The following MGA variants were observed in gnomAD, a reference collection of about 807,000 sequenced individuals.
The protein encoded by MGA is MAX dimerization protein MGA.
Under a neutral mutation model 261.1 loss-of-function variants are expected in MGA, and 40 were observed. That is an observed-to-expected ratio of 0.15 (90% confidence interval 0.12 to 0.20). MGA has a LOEUF of 0.20. Ranked by LOEUF, MGA falls within the 10% of genes least tolerant of loss-of-function variation. The pLI is 1.00. For synonymous variants in MGA, 1,302 were observed against 1,290.6 expected (o/e 1.01, Z -0.19); for missense variants, 3,397 against 3,630.5 (o/e 0.94, Z 1.65).
At chr15:41,638,688 C>CTTTTTTTTTTTT (rs761492514) in intron 1 of MGA, among the ~76,000 whole-genome samples, 7 of 115,630 alleles carry the variant, frequency 6.1e-5, no homozygotes, top group South Asian at 2.9e-4. Context: ...TTTTCTTTTT[C>CTTTTTTTTTTTT]TTTTTTTTTT....
chr15:41,631,126 G>A (rs919106647), intron 1 of MGA, among the ~76,000 whole-genome samples: 1 of 152,112 alleles, frequency 6.6e-6, no homozygotes, highest in Non-Finnish European at 1.5e-5. Flanking sequence ...CAATATATCC[G>A]TAAGTGCAAA....
In MGA at chr15:41,736,546, G is replaced by C. The variant is rs1397189844; in HGVS notation, c.4282G>C (p.Asp1428His). Residue 1428 changes from aspartate to histidine, a missense_variant, in exon 13 of 24, where the codon GAT becomes CAT. Asp to His is a moderately conservative substitution (Grantham distance 81). This residue lies in a region of MGA where 1,410 missense variants were observed against 1,386.4 expected (regional missense o/e 1.02). Transcript: ENST00000219905. ...TCCATTGTCCCCTGGGAAAATGGAGGATATCTCTCCTGTGCAGACAGATGC... is the reference window on the plus strand; with the variant it reads ...TCCATTGTCCCCTGGGAAAATGGAGCATATCTCTCCTGTGCAGACAGATGC... The C allele has an allele frequency of 3.7e-6, 6 of 1,613,932 alleles. No individual in the cohort carries two copies. Among genetic ancestry groups the C allele is most frequent in the Non-Finnish European group, 5.1e-6 (6 of 1,179,908 alleles).
rs1374952153 is a variant in MGA at position 41,696,647 on chromosome 15, T to C, written c.1637T>C (p.Leu546Pro). ...AGAGTGGTACAAAAATATCCCTTAC[T>C]GAAAGAGCCTCAGTGGAAATATCCT... The change falls in exon 3 of 24, where the codon CTG becomes CCG. Residue 546 changes from leucine (L) to proline (P), a missense_variant. Coordinates refer to ENST00000219905, the MANE Select transcript of MGA (RefSeq NM_001164273.2). 3 of 1,613,118 alleles carry C rather than the reference T, an allele frequency of 1.9e-6. No homozygotes were observed. The African/African-American group carries it at 4.0e-5, about 22-fold the overall frequency.
chr15:41,670,863 T>A (rs1250052804), intron 2 of MGA, among the ~76,000 whole-genome samples: 1 of 152,228 alleles, frequency 6.6e-6, no homozygotes, highest in Non-Finnish European at 1.5e-5. Flanking sequence ...GTTGGGCAAT[T>A]TATGGATTAG....
chr15:41,755,158 C>G (rs1156538433), intron 18 of MGA, among the ~76,000 whole-genome samples: 1 of 152,000 alleles, frequency 6.6e-6, no homozygotes, highest in African/African-American at 2.4e-5. Context: ...TTTTAGTAAG[C>G]CTTATATTGA....
intron 22 of MGA, among the ~76,000 whole-genome samples, chr15:41,763,260 C>T (rs992559614): frequency 5.9e-5 from 9 of 151,328 alleles, no homozygotes; most frequent in East Asian, 5.9e-4. Context: ...CCACTACACC[C>T]GGCTAATTTT....
rs529541933 is a variant in MGA at position 41,673,675 on chromosome 15, T to C, written c.1064+3717T>C. Among the ~76,000 whole-genome samples the C allele has an allele frequency of 2.6e-3, 391 of 151,150 alleles. 3 individuals carry two copies. The highest frequency in any genetic ancestry group is 4.6e-3 in the Non-Finnish European group (309 of 67,856). Reference sequence around the variant, plus strand: ...CTCCTGCCTCAGCCTCTGGAGTAGCTGGGATTACAGGCATGTGCCACCATG... The same window carrying C: ...CTCCTGCCTCAGCCTCTGGAGTAGCCGGGATTACAGGCATGTGCCACCATG... On this transcript the variant is annotated intron_variant, in intron 2 of 23. Coordinates refer to ENST00000219905, the MANE Select transcript of MGA (RefSeq NM_001164273.2).
chr15:41,705,267 A>G (rs191445721), intron 5 of MGA, among the ~76,000 whole-genome samples: 229 of 151,794 alleles, frequency 1.5e-3, no homozygotes, highest in African/African-American at 5.3e-3. Flanking sequence ...GTCCGGCCTC[A>G]GATTTCTTTT....
intron 9 of MGA, among the ~76,000 whole-genome samples, chr15:41,722,223 G>A (rs2060984267): frequency 6.8e-6 from 1 of 147,876 alleles, no homozygotes; most frequent in Non-Finnish European, 1.5e-5. Flanking sequence ...TCCGCCTCCC[G>A]GGTTCACACC....
At chr15:41,700,476 A>G (rs2059790965) in intron 5 of MGA, among the ~76,000 whole-genome samples, 1 of 152,112 alleles carries the variant, frequency 6.6e-6, no homozygotes, top group Non-Finnish European at 1.5e-5. Flanking sequence ...TCTCCCACTT[A>G]CGAGTGAAAA....
At chr15:41,692,624 T>G (rs1466890608) in intron 2 of MGA, among the ~76,000 whole-genome samples, 1 of 152,154 alleles carries the variant, frequency 6.6e-6, no homozygotes, top group Non-Finnish European at 1.5e-5. Context: ...GAAAAATAAT[T>G]TAGTGTTTTC....
chr15:41,649,354 C>A (rs904941024), intron 1 of MGA, among the ~76,000 whole-genome samples: 2 of 146,496 alleles, frequency 1.4e-5, no homozygotes, highest in African/African-American at 5.1e-5. Context: ...TGCACTCCAG[C>A]CTGGACAACA....
chr15:41,763,093 T>A (rs1453011850), intron 22 of MGA, among the ~76,000 whole-genome samples: 2 of 26,470 alleles, frequency 7.6e-5, no homozygotes, highest in Admixed American at 5.6e-4. Flanking sequence ...TCTTTCTTCC[T>A]TTTTTTTTTT....
chr15:41,743,677 T>TG (rs547050849), intron 15 of MGA, among the ~76,000 whole-genome samples: 25 of 152,150 alleles, frequency 1.6e-4, no homozygotes, highest in African/African-American at 5.1e-4. Context: ...TTGTGGGGTG[T>TG]GGGGGGTGCT....
chr15:41,755,512 T>G (rs2063099314), intron 18 of MGA, among the ~76,000 whole-genome samples: 1 of 152,104 alleles, frequency 6.6e-6, no homozygotes, highest in Admixed American at 6.5e-5. Context: ...AAACAAAAAC[T>G]CTAAAAAATA....
chr15:41,757,665 C>T (rs1204149272), intron 18 of MGA, 123 bp from the exon 19 acceptor site: 1 of 602,164 alleles, frequency 1.7e-6, no homozygotes, highest in Non-Finnish European at 3.0e-6. Context: ...AATAATGTGG[C>T]CATATATCAC....
intron 1 of MGA, among the ~76,000 whole-genome samples, chr15:41,624,039 T>C (rs935107814): frequency 2.0e-5 from 3 of 151,472 alleles, no homozygotes; most frequent in African/African-American, 7.3e-5. Context: ...GTGCTAGGAT[T>C]ATAGGCGTGA....
Position 41,767,304 on chromosome 15 carries a change from C to T in MGA, c.*24C>T. 6.3e-7 allele frequency: 1 copy of T among 1,576,394 alleles called. No individual in the cohort carries two copies. The highest frequency in any genetic ancestry group is 8.6e-7 in the Non-Finnish European group (1 of 1,159,876). On this transcript the variant is annotated 3_prime_UTR_variant, in exon 24 of 24. Coordinates refer to ENST00000219905, the MANE Select transcript of MGA (RefSeq NM_001164273.2). ...GAACTTACTTGTCCTTAAGCAGAAGCCAGGCTGTGAGGGGAAATAGATCTC... is the reference window on the plus strand; with the variant it reads ...GAACTTACTTGTCCTTAAGCAGAAGTCAGGCTGTGAGGGGAAATAGATCTC...
At position 41,767,968 on chromosome 15, in the gene MGA, CTTA is replaced by C. The variant is rs2063881178; in HGVS notation, c.*694_*696del. On this transcript the variant is annotated 3_prime_UTR_variant, in exon 24 of 24. Transcript: ENST00000219905. ...GATCTTAAAAAAATAGTAGTTCTCC[CTTA>C]TTATTTTTGTGGGCATTGAAAAGCT... 6.6e-6 allele frequency: 1 copy of C among 152,302 alleles called. No individual in the cohort carries two copies. Among genetic ancestry groups the C allele is most frequent in the African/African-American group, 2.4e-5 (1 of 41,384 alleles). The allele number at this position is 152,302 out of a possible 1,614,324, so 9.4% of individuals were successfully genotyped here. A position where few individuals can be genotyped will look rare whatever the true frequency, so the allele number is the denominator to read the frequency against.
Sources: allele counts gnomAD v4.1 joint callset (sites outside exome capture counted in the v4.1 genomes callset), GRCh38; gene constraint gnomAD v4.1.1; regional missense constraint gnomAD v4.1.1; transcripts MANE v1.5; gene names NCBI Gene and HGNC (gene_info 2026-07-23, HGNC 2026-07-21).